Variants in CADM2 observed in about 807,000 individuals in gnomAD.
CADM2 encodes the protein cell adhesion molecule 2.
A neutral mutation model predicts 49.8 loss-of-function variants in CADM2; 12 were observed. The observed-to-expected ratio is 0.24, with a 90% CI of 0.15 to 0.39. CADM2 has a LOEUF of 0.39. Among genes scored for constraint, CADM2 ranks in the 10% least tolerant of loss-of-function variants. CADM2 has a pLI of 1.00. For synonymous variants in CADM2, 214 were observed against 175.4 expected, an observed-to-expected ratio of 1.22 and a Z score of -1.74; for missense variants, 378 against 492.3, an observed-to-expected ratio of 0.77 and a Z score of 2.20.
chr3:85,290,232 G>A (rs559905226), intron 1 of CADM2, among the ~76,000 whole-genome samples: 274 of 152,256 alleles, frequency 1.8e-3, no homozygotes, highest in African/African-American at 5.8e-3. Context: ...TTTTCCGATC[G>A]GCTTAAAAAA....
chr3:85,053,790 A>G (rs896179411), intron 1 of CADM2, among the ~76,000 whole-genome samples: 32 of 151,924 alleles, frequency 2.1e-4, no homozygotes, highest in African/African-American at 7.5e-4. Context: ...CTGACTATGT[A>G]AAACTTTGTA....
At chr3:86,040,911 AG>A (rs1281187050) in intron 8 of CADM2, among the ~76,000 whole-genome samples, 4 of 152,216 alleles carry the variant, frequency 2.6e-5, no homozygotes, top group African/African-American at 9.6e-5. Context: ...GCCAGAAGAG[AG>A]TGGGGGTTAA....
chr3:85,366,112 C>T (rs1340264082), intron 1 of CADM2, among the ~76,000 whole-genome samples: 1 of 152,160 alleles, frequency 6.6e-6, no homozygotes, highest in Admixed American at 6.6e-5. Flanking sequence ...GCTGTCTGTT[C>T]ATCTGGAATG....
At chr3:85,010,696 G>C (rs1232265863) in intron 1 of CADM2, among the ~76,000 whole-genome samples, 1 of 151,022 alleles carries the variant, frequency 6.6e-6, no homozygotes, top group Non-Finnish European at 1.5e-5. Context: ...CCTATGGCAG[G>C]TATTATGTCA....
At chr3:86,012,379 G>C (rs538067077) in intron 8 of CADM2, among the ~76,000 whole-genome samples, 1 of 152,082 alleles carries the variant, frequency 6.6e-6, no homozygotes, top group Admixed American at 6.5e-5. Context: ...TTATTGTCTT[G>C]TTGTCATGGT....
chr3:85,992,503 G>A (rs116669118), intron 8 of CADM2: 1 of 152,032 alleles, frequency 6.6e-6, no homozygotes, highest in South Asian at 2.1e-4. Context: ...GTTTTCATGT[G>A]TATATTTAAA....
intron 1 of CADM2, among the ~76,000 whole-genome samples, chr3:85,535,799 G>T (rs2061410517): frequency 6.6e-6 from 1 of 152,066 alleles, no homozygotes; most frequent in Admixed American, 6.6e-5. Context: ...ATTTATTCCT[G>T]GAAGCCACTG....
At chr3:85,086,610 C>T (rs1200569003) in intron 1 of CADM2, among the ~76,000 whole-genome samples, 1 of 146,990 alleles carries the variant, frequency 6.8e-6, no homozygotes, top group African/African-American at 2.5e-5. Context: ...ATCTCGGGTT[C>T]AAGTGATTAT....
intron 1 of CADM2, among the ~76,000 whole-genome samples, chr3:85,337,445 T>C (rs1244510245): frequency 6.6e-6 from 1 of 151,404 alleles, no homozygotes; most frequent in Non-Finnish European, 1.5e-5. Flanking sequence ...GAAACAAATA[T>C]TTCTTTATAT....
intron 1 of CADM2, among the ~76,000 whole-genome samples, chr3:85,715,043 G>A (rs140207638): frequency 6.6e-6 from 1 of 152,192 alleles, no homozygotes; most frequent in East Asian, 1.9e-4. Flanking sequence ...TTTATATAAT[G>A]TATACATTTA....
chr3:85,844,018 C>A (rs2074763858), intron 3 of CADM2, among the ~76,000 whole-genome samples: 1 of 151,910 alleles, frequency 6.6e-6, no homozygotes, highest in African/African-American at 2.4e-5. Flanking sequence ...CGGATCGGTC[C>A]CAGCACCACT....
At chr3:85,157,694 A>C (rs1181414019) in intron 1 of CADM2, among the ~76,000 whole-genome samples, 2 of 151,902 alleles carry the variant, frequency 1.3e-5, no homozygotes, top group Non-Finnish European at 2.9e-5. Context: ...TCAATTCAAG[A>C]TGGATTAAAG....
At chr3:85,216,522 C>T (rs1392475968) in intron 1 of CADM2, among the ~76,000 whole-genome samples, 1 of 151,642 alleles carries the variant, frequency 6.6e-6, no homozygotes, top group Non-Finnish European at 1.5e-5. Context: ...AAAAAAATTA[C>T]AGAAGACATG....
chr3:85,882,169 A>G (rs967617182), intron 3 of CADM2, among the ~76,000 whole-genome samples: 3 of 121,936 alleles, frequency 2.5e-5, no homozygotes, highest in Non-Finnish European at 5.3e-5. Context: ...CACCCCGCAT[A>G]TACCCTCCCG....
intron 8 of CADM2, among the ~76,000 whole-genome samples, chr3:86,052,326 C>T (rs1290011740): frequency 3.9e-5 from 6 of 151,990 alleles, no homozygotes; most frequent in South Asian, 2.1e-4. Flanking sequence ...GTATTAGGTA[C>T]GGCTTTGAAA....
At chr3:85,639,737 T>A (rs1403465006) in intron 1 of CADM2, among the ~76,000 whole-genome samples, 1 of 152,122 alleles carries the variant, frequency 6.6e-6, no homozygotes, top group Non-Finnish European at 1.5e-5. Flanking sequence ...AATAGTGTCA[T>A]TAAGAAGGAA....
intron 1 of CADM2, among the ~76,000 whole-genome samples, chr3:85,048,744 T>G (rs2107395094): frequency 1.3e-5 from 2 of 152,202 alleles, no homozygotes; most frequent in South Asian, 4.1e-4. Flanking sequence ...GAAGACAGGA[T>G]GATGAGTTCC....
At chr3:85,841,153 A>C (rs1316137942) in intron 3 of CADM2, among the ~76,000 whole-genome samples, 2 of 151,918 alleles carry the variant, frequency 1.3e-5, no homozygotes, top group Non-Finnish European at 2.9e-5. Flanking sequence ...ACTCTTGATA[A>C]CATGAAACTT....
chr3:85,294,880 G>A (rs971427334), intron 1 of CADM2, among the ~76,000 whole-genome samples: 10 of 152,250 alleles, frequency 6.6e-5, no homozygotes, highest in South Asian at 2.1e-4. Context: ...ATAGGCATGG[G>A]CAAGGACTTC....
Sources: gnomAD v4.1 joint callset for allele counts (sites outside exome capture counted in the v4.1 genomes callset) on GRCh38, gnomAD v4.1.1 for gene constraint, MANE v1.5 for transcripts, NCBI Gene and HGNC (gene_info 2026-07-23, HGNC 2026-07-21) for gene names.